Variants in SNX9 observed in about 807,000 individuals in gnomAD.
SNX9 encodes sorting nexin-9.
A neutral mutation model predicts 89.4 loss-of-function variants in SNX9; 44 were observed. The observed-to-expected ratio is 0.49, with a 90% confidence interval of 0.39 to 0.63. SNX9 has a LOEUF of 0.63. Ranked by LOEUF, SNX9 falls within the 30% of genes least tolerant of loss-of-function variation. The pLI is 0.00. For synonymous variants in SNX9, 236 were observed against 247.8 expected, an observed-to-expected ratio of 0.95 and a Z score of 0.45; for missense variants, 578 against 736.1, an observed-to-expected ratio of 0.79 and a Z score of 2.49.
intron 9 of SNX9, among the ~76,000 whole-genome samples, chr6:157,915,845 T>C (rs2115186222): frequency 8.0e-6 from 1 of 125,040 alleles, no homozygotes; most frequent in Non-Finnish European, 1.8e-5. Flanking sequence ...AAGATTTATA[T>C]GTAAGAATTT....
intron 1 of SNX9, among the ~76,000 whole-genome samples, chr6:157,849,793 T>C (rs1583198467): frequency 6.6e-6 from 1 of 151,982 alleles, no homozygotes; most frequent in African/African-American, 2.4e-5. Flanking sequence ...GAAGGCAGGG[T>C]CTGTGCTGGA....
intron 4 of SNX9, among the ~76,000 whole-genome samples, chr6:157,878,430 C>CT (rs374518124): frequency 0.03 from 4,362 of 146,864 alleles, 200 homozygotes; most frequent in African/African-American, 0.085. Context: ...GGAAGCCCAC[C>CT]ATTTTTTTTT....
chr6:157,869,918 A>G (rs573414271), intron 2 of SNX9, among the ~76,000 whole-genome samples: 1 of 151,862 alleles, frequency 6.6e-6, no homozygotes, highest in African/African-American at 2.4e-5. Context: ...TCGCACCCTC[A>G]TACACCTCTC....
intron 4 of SNX9, among the ~76,000 whole-genome samples, chr6:157,891,027 CTTTTT>C (rs67186551): frequency 8.1e-4 from 93 of 114,914 alleles, no homozygotes; most frequent in African/African-American, 3.1e-3. Flanking sequence ...TTTTCTTTCT[CTTTTT>C]TTTTTTTTTT....
chr6:157,900,470 C>T (rs1783072604), intron 5 of SNX9, among the ~76,000 whole-genome samples: 2 of 152,144 alleles, frequency 1.3e-5, no homozygotes, highest in Admixed American at 6.5e-5. Context: ...CCAGGCGGAT[C>T]GGCCCGTTGA....
intron 1 of SNX9, among the ~76,000 whole-genome samples, chr6:157,836,827 G>A (rs548476641): frequency 7.2e-5 from 11 of 152,112 alleles, no homozygotes; most frequent in East Asian, 3.9e-4. Context: ...TCCTGACCTC[G>A]TGATCCGCCC....
Position 157,927,183 on chromosome 6 carries a change from C to A in SNX9, c.1153C>A (p.Pro385Thr), listed in dbSNP as rs1783711634. 2.5e-6 allele frequency: 4 copies of A among 1,613,868 alleles called. No individual in the cohort carries two copies. The highest frequency in any genetic ancestry group is 3.4e-6 in the Non-Finnish European group (4 of 1,179,750). The change falls in exon 11 of 18, where the codon CCA (proline) becomes ACA (threonine). Residue 385 changes from proline (P) to threonine (T), a missense_variant. Pro to Thr is a conservative substitution (Grantham distance 38). Transcript: ENST00000392185. The stretch of plus-strand genomic sequence containing the variant: ...AGTCATGATATTTTCCACCATGGAA[C>A]CAGAGGCACCTGACTTGGACTTAGT... ...AGVMIFSTME[P>T]EAPDLDLVEI...
chr6:157,909,515 A>C, intron 7 of SNX9, 150 bp from the exon 8 acceptor site: 1 of 919,252 alleles, frequency 1.1e-6, no homozygotes, highest in Non-Finnish European at 1.6e-6. Context: ...AACAGAAACC[A>C]TTGAACCATT....
chr6:157,919,483 T>C (rs536840728), intron 9 of SNX9, among the ~76,000 whole-genome samples: 12 of 152,342 alleles, frequency 7.9e-5, no homozygotes, highest in Admixed American at 3.9e-4. Context: ...TTAAATCTTA[T>C]GTTGAGCCTT....
chr6:157,827,447 AGTTTATATAATATATAAAC>A (rs1311569565), intron 1 of SNX9, among the ~76,000 whole-genome samples: 8,897 of 37,036 alleles, frequency 0.24, 4,130 homozygotes, highest in African/African-American at 0.46. Context: ...CATATATTAT[AGTTTATATAATATATAAAC>A]TTATAGTTTA....
chr6:157,933,594 G>A (rs1233418621), intron 13 of SNX9, among the ~76,000 whole-genome samples: 2 of 152,302 alleles, frequency 1.3e-5, no homozygotes, highest in Admixed American at 1.3e-4. Flanking sequence ...GGAACTCAAG[G>A]CCAGAACAGA....
At chr6:157,893,840 A>G (rs1424223654) in intron 4 of SNX9, among the ~76,000 whole-genome samples, 2 of 152,184 alleles carry the variant, frequency 1.3e-5, no homozygotes, top group Admixed American at 6.5e-5. Flanking sequence ...AGCTGATGCT[A>G]AAGTTTATAC....
intron 5 of SNX9, among the ~76,000 whole-genome samples, chr6:157,897,389 C>T (rs188601580): frequency 1.8e-4 from 28 of 152,288 alleles, no homozygotes; most frequent in Admixed American, 1.2e-3. Context: ...GGGGAAGGGA[C>T]GCAGAGCTTC....
rs115391264 is a variant in SNX9, at chr6:157,852,980, T to G, written c.13-14567T>G. Among the ~76,000 whole-genome samples the G allele has an allele frequency of 4.8e-3, 731 of 152,242 alleles. 7 individuals carry two copies. The highest frequency in any genetic ancestry group is 0.017 in the African/African-American group (700 of 41,536). On this transcript the variant is annotated intron_variant, in intron 1 of 17. Coordinates refer to ENST00000392185, the MANE Select transcript of SNX9 (RefSeq NM_016224.5). ...CTTCTTAGTTTTCTTTCAGAAAAATTAAATGGTGAGTTTTTTTGTTTGTTT... is the reference window on the plus strand; with the variant it reads ...CTTCTTAGTTTTCTTTCAGAAAAATGAAATGGTGAGTTTTTTTGTTTGTTT...
At chr6:157,876,871 A>G (rs1188850592) in intron 4 of SNX9, among the ~76,000 whole-genome samples, 3 of 152,240 alleles carry the variant, frequency 2.0e-5, no homozygotes, top group African/African-American at 7.2e-5. Context: ...ACGCCACCTC[A>G]GTTGTGACAA....
chr6:157,901,459 T>C (rs575625146), intron 5 of SNX9, among the ~76,000 whole-genome samples: 66 of 152,094 alleles, frequency 4.3e-4, no homozygotes, highest in Non-Finnish European at 5.3e-4. Flanking sequence ...CTTCTAGGAG[T>C]TGTGTGGTTT....
intron 17 of SNX9, among the ~76,000 whole-genome samples, chr6:157,941,243 C>T (rs927372925): frequency 2.0e-5 from 3 of 152,108 alleles, no homozygotes; most frequent in Non-Finnish European, 4.4e-5. Flanking sequence ...TGTGCAGCTC[C>T]TTCCCCCCGT....
intron 10 of SNX9, chr6:157,924,738 A>G (rs184705211): frequency 2.8e-4 from 42 of 152,386 alleles, no homozygotes; most frequent in Admixed American, 2.7e-3. Flanking sequence ...AGCCTTCATC[A>G]TGTAAATGAC....
intron 6 of SNX9, among the ~76,000 whole-genome samples, chr6:157,903,776 C>T (rs867061188): frequency 2.6e-5 from 4 of 152,094 alleles, no homozygotes; most frequent in Non-Finnish European, 5.9e-5. Flanking sequence ...AGGCAAGTTT[C>T]GTGACCTGTT....
Sources: gnomAD v4.1 joint callset for allele counts (sites outside exome capture counted in the v4.1 genomes callset) on GRCh38, gnomAD v4.1.1 for gene constraint, MANE v1.5 for transcripts, NCBI Gene and HGNC (gene_info 2026-07-23, HGNC 2026-07-21) for gene names.